Variants in GLRB observed in about 807,000 individuals in gnomAD.
The protein encoded by GLRB is glycine receptor beta.
In GLRB, 33 loss-of-function variants were observed where a neutral mutation model predicts 54.2. The observed-to-expected ratio is 0.61, with a 90% CI of 0.46 to 0.81. The LOEUF (loss-of-function observed/expected upper bound fraction) is 0.81, where lower values mean the gene tolerates loss of function less well. Ranked by LOEUF, GLRB falls within the 40% of genes least tolerant of loss-of-function variation. The pLI is 0.00. For missense variants in GLRB, 572 were observed against 584.6 expected (o/e 0.98, Z 0.22); for synonymous variants, 209 against 208.2 (o/e 1.00, Z -0.03).
intron 9 of GLRB, among the ~76,000 whole-genome samples, chr4:157,158,137 T>A (rs991891233): frequency 6.6e-6 from 1 of 152,232 alleles, no homozygotes; most frequent in Non-Finnish European, 1.5e-5. Flanking sequence ...AATGTCTTCT[T>A]TTAAGAAGTG....
At chr4:157,079,053 C>T (rs774991900) in intron 2 of GLRB, among the ~76,000 whole-genome samples, 4 of 152,098 alleles carry the variant, frequency 2.6e-5, no homozygotes, top group South Asian at 2.1e-4. Flanking sequence ...GGATTACAGG[C>T]GTGGTTCACC....
At chr4:157,169,421 G>T (rs759595187) in intron 9 of GLRB, among the ~76,000 whole-genome samples, 3 of 152,074 alleles carry the variant, frequency 2.0e-5, no homozygotes, top group Non-Finnish European at 2.9e-5. Context: ...GATTACTAGA[G>T]AGAGTTCAGC....
At position 157,127,713 on chromosome 4, in the gene GLRB, G is replaced by C. The variant is rs57099175; in HGVS notation, c.297+5316G>C. Among the ~76,000 whole-genome samples the C allele has an allele frequency of 4.3e-4, 66 of 151,932 alleles. 1 individual carries two copies. Among genetic ancestry groups the C allele is most frequent in the African/African-American group, 1.5e-3 (62 of 41,520 alleles). ...GTGATGCAGGAAGCATGAAGCAGTT[G>C]TCATGCAAGGAAGGGACCATGACTT... On this transcript the variant is annotated intron_variant, in intron 4 of 9. Transcript: ENST00000264428.
chr4:157,154,423 C>CTTTTTTT (rs778002566), intron 9 of GLRB, among the ~76,000 whole-genome samples: 25 of 103,454 alleles, frequency 2.4e-4, no homozygotes, highest in African/African-American at 3.3e-4. Context: ...CTTCTTTTTC[C>CTTTTTTT]TTTTTTTTTT....
At chr4:157,095,809 G>A (rs188628643) in intron 2 of GLRB, among the ~76,000 whole-genome samples, 9 of 152,138 alleles carry the variant, frequency 5.9e-5, no homozygotes, top group Non-Finnish European at 1.0e-4. Flanking sequence ...AGATCAGAGA[G>A]GGCTGCCTTG....
chr4:157,143,460 T>C (rs1201178686), intron 7 of GLRB, among the ~76,000 whole-genome samples: 2 of 152,174 alleles, frequency 1.3e-5, no homozygotes, highest in Non-Finnish European at 2.9e-5. Context: ...ATGACTCCTT[T>C]AGATCATTGC....
chr4:157,142,751 A>G (rs1184088355), intron 7 of GLRB, among the ~76,000 whole-genome samples: 2 of 152,118 alleles, frequency 1.3e-5, no homozygotes, highest in Non-Finnish European at 2.9e-5. Flanking sequence ...TTGTTTCACC[A>G]TTTTAAAAAA....
intron 2 of GLRB, 162 bp downstream of exon 2, chr4:157,078,308 A>G: frequency 1.4e-6 from 1 of 739,766 alleles, no homozygotes. Flanking sequence ...AGAGGTTTAG[A>G]ATGTAAGAAT....
intron 2 of GLRB, among the ~76,000 whole-genome samples, chr4:157,102,074 A>C (rs2126483367): frequency 6.6e-6 from 1 of 152,318 alleles, no homozygotes; most frequent in African/African-American, 2.4e-5. Flanking sequence ...ACTAATTTTT[A>C]ATGGATTTTT....
At chr4:157,106,417 G>A (rs576445255) in intron 2 of GLRB, among the ~76,000 whole-genome samples, 5 of 152,202 alleles carry the variant, frequency 3.3e-5, no homozygotes, top group Non-Finnish European at 5.9e-5. Flanking sequence ...TTGAGAGCTC[G>A]TAAAGCATTA....
chr4:157,121,620 A>G (rs979932342), intron 3 of GLRB, among the ~76,000 whole-genome samples: 4 of 151,696 alleles, frequency 2.6e-5, no homozygotes, highest in Non-Finnish European at 3.0e-5. Context: ...TGTCTACCAT[A>G]TATTGATTCA....
At position 157,171,417 on chromosome 4, in the gene GLRB, C is replaced by A. The variant is rs1225902198; in HGVS notation, c.*689C>A. Reference sequence around the variant, plus strand: ...AATTCTGACAAAATAAAAAAAGATACCTTATTGACGAAATATTTAGGATAA... The same window carrying A: ...AATTCTGACAAAATAAAAAAAGATAACTTATTGACGAAATATTTAGGATAA... On this transcript the variant is annotated 3_prime_UTR_variant, in exon 10 of 10. Transcript: ENST00000264428. The A allele has an allele frequency of 6.6e-6, 1 of 152,158 alleles. No individual in the cohort carries two copies. The highest frequency in any genetic ancestry group is 2.4e-5 in the African/African-American group (1 of 41,392). The allele number at this position is 152,158 out of a possible 1,614,324, so 9.4% of individuals were successfully genotyped here. A position where few individuals can be genotyped will look rare whatever the true frequency, so the allele number is the denominator to read the frequency against.
In GLRB at chr4:157,078,012, T is replaced by C; in HGVS notation, c.-13T>C. On this transcript the variant is annotated 5_prime_UTR_variant, in exon 2 of 10. Transcript: ENST00000264428. ...CTCTTGTAGATCGATCTTCTGAAAT[T>C]CAAGTTTTCAAGATGAAGTTTTTAT... The C allele has an allele frequency of 8.1e-6, 13 of 1,604,328 alleles. No individual in the cohort carries two copies. Among genetic ancestry groups the C allele is most frequent in the Non-Finnish European group, 1.1e-5 (13 of 1,172,094 alleles).
At chr4:157,082,964 T>TTTTATA (rs1180920266) in intron 2 of GLRB, among the ~76,000 whole-genome samples, 4,291 of 139,574 alleles carry the variant, frequency 0.031, 85 homozygotes, top group South Asian at 0.063. Flanking sequence ...GAATAGTGTT[T>TTTTATA]TATATATATA....
At chr4:157,135,085 C>G (rs534960032) in intron 4 of GLRB, among the ~76,000 whole-genome samples, 5 of 151,974 alleles carry the variant, frequency 3.3e-5, no homozygotes, top group African/African-American at 1.2e-4. Context: ...ATATTTCTAA[C>G]AACTTAAAAA....
chr4:157,170,482 A>T lies in GLRB; in HGVS notation c.1248A>T (p.Arg416Ser). 1 of 1,608,678 alleles carries T rather than the reference A, an allele frequency of 6.2e-7. No individual in the cohort carries two copies. Among genetic ancestry groups the T allele is most frequent in the Non-Finnish European group, 8.5e-7 (1 of 1,175,266 alleles). ...TTTGTACTTCTAAGTCTGATCTGAG[A>T]TCTAATGACTTCAGCATTGTTGGAA... The part of the protein sequence containing the change: ...KKVCTSKSDL[R>S]SNDFSIVGSL... The change falls in exon 10 of 10, where the codon AGA (arginine) becomes AGT (serine). Residue 416 changes from arginine (R) to serine (S), a missense_variant. Physicochemically the swap from Arg to Ser is moderately radical, Grantham distance 110. Coordinates refer to ENST00000264428, the MANE Select transcript of GLRB (RefSeq NM_000824.5).
chr4:157,149,710 A>G (rs1736947747), intron 8 of GLRB, among the ~76,000 whole-genome samples: 2 of 152,130 alleles, frequency 1.3e-5, no homozygotes, highest in South Asian at 4.1e-4. Flanking sequence ...GAGATAAATT[A>G]TTTGGAGTTG....
chr4:157,159,914 A>G (rs979928282), intron 9 of GLRB, among the ~76,000 whole-genome samples: 1 of 150,554 alleles, frequency 6.6e-6, no homozygotes, highest in Non-Finnish European at 1.5e-5. Flanking sequence ...AATGGTACCA[A>G]CTCCTCTTTG....
rs533805094 is a variant in GLRB, at chr4:157,127,785, G to A, written c.297+5388G>A. Reference sequence around the variant, plus strand: ...GGAGCTGAAGAAGCCAAAGGAAAGAGGTTCATTCCTCAGAGGCTTCAAAGG... The same window carrying A: ...GGAGCTGAAGAAGCCAAAGGAAAGAAGTTCATTCCTCAGAGGCTTCAAAGG... On this transcript the variant is annotated intron_variant, in intron 4 of 9. Transcript: ENST00000264428. Among the ~76,000 whole-genome samples, 5 of 151,912 alleles carry A rather than the reference G, an allele frequency of 3.3e-5. No homozygotes were observed. In the East Asian group the frequency reaches 9.7e-4, roughly 30 times the overall value.
Sources: gnomAD v4.1 joint callset for allele counts (sites outside exome capture counted in the v4.1 genomes callset) on GRCh38, gnomAD v4.1.1 for gene constraint, MANE v1.5 for transcripts, NCBI Gene and HGNC (gene_info 2026-07-23, HGNC 2026-07-21) for gene names.